Variants in MED12L observed in about 807,000 individuals in gnomAD.
The protein encoded by MED12L is mediator complex subunit 12L, also known as mediator of RNA polymerase II transcription subunit 12-like protein.
Under a neutral mutation model 281.3 loss-of-function variants are expected in MED12L, and 60 were observed. The observed-to-expected ratio is 0.21, with a 90% CI of 0.17 to 0.26. The LOEUF (loss-of-function observed/expected upper bound fraction) is 0.26, where lower values mean the gene tolerates loss of function less well. Among genes scored for constraint, MED12L ranks in the 10% least tolerant of loss-of-function variants. The probability of loss-of-function intolerance (pLI) is 1.00; values close to 1 mark genes in which losing one functional copy is unlikely to be tolerated. For missense variants in MED12L, 2,146 were observed against 2,680.9 expected, an observed-to-expected ratio of 0.80 and a Z score of 4.41; for synonymous variants, 974 against 987.2, an observed-to-expected ratio of 0.99 and a Z score of 0.25.
At position 151,294,711 on chromosome 3, in the gene MED12L, G is replaced by A. The variant is rs1407105319; in HGVS notation, c.2251-55348G>A. 3 of 1,614,044 alleles carry A rather than the reference G, an allele frequency of 1.9e-6. No individual in the cohort carries two copies. The African/African-American group carries it at 4.0e-5, about 22-fold the overall frequency. On this transcript the variant is annotated intron_variant, in intron 16 of 44. Transcript: ENST00000687756. ...TCCTCTGTTGGCTGACCATTTGTTA[G>A]GATGATGTTTGGCAAAGACAAAACA... is the stretch of plus-strand genomic sequence containing the variant.
intron 16 of MED12L, among the ~76,000 whole-genome samples, chr3:151,334,001 C>T (rs980060882): frequency 2.6e-5 from 4 of 151,832 alleles, no homozygotes; most frequent in Admixed American, 6.6e-5. Flanking sequence ...TGCTTGTACC[C>T]GGGAGGCGGA....
At chr3:151,230,360 T>G (rs576602209) in intron 16 of MED12L, among the ~76,000 whole-genome samples, 1 of 152,364 alleles carries the variant, frequency 6.6e-6, no homozygotes, top group African/African-American at 2.4e-5. Context: ...TAGAAGTCAG[T>G]CAAGTACAGT....
intron 16 of MED12L, among the ~76,000 whole-genome samples, chr3:151,281,337 G>C (rs983767000): frequency 1.3e-5 from 2 of 151,914 alleles, no homozygotes; most frequent in African/African-American, 4.8e-5. Flanking sequence ...TCGAACCCGG[G>C]AGGTGGAAGT....
chr3:151,125,820 G>A (rs1714427033), intron 4 of MED12L, among the ~76,000 whole-genome samples: 3 of 152,096 alleles, frequency 2.0e-5, no homozygotes, highest in South Asian at 4.2e-4. Context: ...CTGTTAAGTT[G>A]TATCTTTTTT....
chr3:151,102,993 A>G (rs1295682649), intron 2 of MED12L, among the ~76,000 whole-genome samples: 4 of 152,254 alleles, frequency 2.6e-5, no homozygotes, highest in Non-Finnish European at 5.9e-5. Flanking sequence ...CTCTGCCCTC[A>G]GATCACCTAG....
chr3:151,366,981 A>G (rs540167616), intron 23 of MED12L, among the ~76,000 whole-genome samples: 3 of 152,320 alleles, frequency 2.0e-5, no homozygotes, highest in East Asian at 3.9e-4. Flanking sequence ...CAAGTTAACC[A>G]TAGTCCTTGG....
In MED12L at chr3:151,195,873, TTACTC is replaced by T. The variant is rs538285824; in HGVS notation, c.2250+2210_2250+2214del. On this transcript the variant is annotated intron_variant, in intron 16 of 44. Coordinates refer to ENST00000687756, the MANE Select transcript of MED12L (RefSeq NM_001393769.1). ...TTGCAACTTCTCTGTAAATCGGAAA[TTACTC>T]TAATAAAAAGTTTATTTAAAAGAAA... is the stretch of plus-strand genomic sequence containing the variant. 6.6e-5 allele frequency among the ~76,000 whole-genome samples: 10 copies of T among 152,322 alleles called. No individual in the cohort carries two copies. The East Asian group carries it at 1.9e-3, about 29-fold the overall frequency.
chr3:151,373,578 C>G (rs2108031354), intron 27 of MED12L, among the ~76,000 whole-genome samples: 1 of 150,332 alleles, frequency 6.7e-6, no homozygotes, highest in Middle Eastern at 3.5e-3. Context: ...TTTTCCCCAA[C>G]TTCTCCTCTC....
chr3:151,234,706 A>G (rs1732367810), intron 16 of MED12L, among the ~76,000 whole-genome samples: 1 of 152,212 alleles, frequency 6.6e-6, no homozygotes, highest in African/African-American at 2.4e-5. Flanking sequence ...CAGTTACTGT[A>G]ATATCCAACC....
intron 20 of MED12L, among the ~76,000 whole-genome samples, chr3:151,358,736 A>G (rs1043341667): frequency 4.6e-5 from 7 of 152,164 alleles, no homozygotes; most frequent in African/African-American, 1.2e-4. Context: ...GCTTAAAACT[A>G]TTATTTCACT....
At chr3:151,328,187 C>G in intron 16 of MED12L, 1 of 1,612,904 alleles carries the variant, frequency 6.2e-7, no homozygotes, top group Non-Finnish European at 8.5e-7. Context: ...ATTTTGCAGT[C>G]TACAGTCAGT....
At chr3:151,247,959 CTTCTT>C (rs1559935020) in intron 16 of MED12L, among the ~76,000 whole-genome samples, 3 of 65,454 alleles carry the variant, frequency 4.6e-5, no homozygotes, top group East Asian at 6.4e-4. Context: ...TCTTCTTCTT[CTTCTT>C]TTTTTTTTTT....
chr3:151,364,307 T>C (rs2107903535), intron 21 of MED12L, among the ~76,000 whole-genome samples: 1 of 152,338 alleles, frequency 6.6e-6, no homozygotes, highest in Non-Finnish European at 1.5e-5. Context: ...AAACATGAGC[T>C]GTTTTTATAT....
intron 35 of MED12L, 84 bp downstream of exon 35, chr3:151,384,302 A>G: frequency 7.6e-7 from 1 of 1,316,902 alleles, no homozygotes; most frequent in South Asian, 1.6e-5. Flanking sequence ...TACTCATTAA[A>G]TGTTATTAAT....
chr3:151,366,297 T>C (rs1755258919), intron 23 of MED12L, among the ~76,000 whole-genome samples: 1 of 152,236 alleles, frequency 6.6e-6, no homozygotes, highest in Non-Finnish European at 1.5e-5. Flanking sequence ...AGCTGTTTTT[T>C]CTTTTTACCA....
At chr3:151,104,067 G>A (rs954548814) in intron 2 of MED12L, among the ~76,000 whole-genome samples, 1 of 152,160 alleles carries the variant, frequency 6.6e-6, no homozygotes, top group African/African-American at 2.4e-5. Context: ...GCTGTTTTGT[G>A]TTGAGCTCAT....
chr3:151,346,538 A>C (rs1752562055), intron 16 of MED12L, among the ~76,000 whole-genome samples: 1 of 152,196 alleles, frequency 6.6e-6, no homozygotes. Context: ...ATGGTTTGTC[A>C]GTAAACAAGA....
chr3:151,248,382 T>C (rs1053877980), intron 16 of MED12L, among the ~76,000 whole-genome samples: 1 of 152,182 alleles, frequency 6.6e-6, no homozygotes, highest in Non-Finnish European at 1.5e-5. Context: ...ATTTCACCTT[T>C]GGTTTCATTA....
intron 16 of MED12L, chr3:151,338,497 G>T (rs756504008): frequency 1.9e-6 from 3 of 1,613,766 alleles, no homozygotes; most frequent in Non-Finnish European, 2.5e-6. Context: ...ATAGTTATCA[G>T]TCCCAGGAAT....
Sources: allele counts gnomAD v4.1 joint callset (sites outside exome capture counted in the v4.1 genomes callset), GRCh38; gene constraint gnomAD v4.1.1; transcripts MANE v1.5; gene names NCBI Gene and HGNC (gene_info 2026-07-23, HGNC 2026-07-21).